Variants in ASTN2 observed in about 807,000 individuals in gnomAD.
ASTN2 encodes astrotactin-2.
In ASTN2, 54 loss-of-function variants were observed where a neutral mutation model predicts 139.8. That is an observed-to-expected ratio of 0.39 (90% confidence interval 0.31 to 0.48). The LOEUF (loss-of-function observed/expected upper bound fraction) is 0.48. Ranked by LOEUF, ASTN2 falls within the 20% of genes least tolerant of loss-of-function variation. ASTN2 has a pLI of 0.95. For synonymous variants in ASTN2, 756 were observed against 719.5 expected (o/e 1.05, Z -0.81); for missense variants, 1,565 against 1,725.1 (o/e 0.91, Z 1.64).
rs138090254 is a variant in ASTN2 at position 117,138,665 on chromosome 9, G to A, written c.1168+2661C>T. Among the ~76,000 whole-genome samples, 409 of 152,314 alleles carry A rather than the reference G, an allele frequency of 2.7e-3. 2 individuals are homozygous for A. The highest frequency in any genetic ancestry group is 9.4e-3 in the African/African-American group (392 of 41,576). On this transcript the variant is annotated intron_variant, in intron 4 of 22. Coordinates refer to ENST00000313400, the MANE Select transcript of ASTN2 (RefSeq NM_001365068.1). ...AATGCAAGGAGAGTATAGTTGTAAGGAGCAGTTAATAAATGACAGTGGTCA... is the reference window on the plus strand; with the variant it reads ...AATGCAAGGAGAGTATAGTTGTAAGAAGCAGTTAATAAATGACAGTGGTCA...
At chr9:116,848,417 T>G (rs1304632282) in intron 11 of ASTN2, among the ~76,000 whole-genome samples, 1 of 152,198 alleles carries the variant, frequency 6.6e-6, no homozygotes, top group Middle Eastern at 3.2e-3. Context: ...CCTAAGAGCA[T>G]TGAATGTGCA....
chr9:116,618,537 C>T (rs955505903), intron 18 of ASTN2, 65 bp from the exon 19 acceptor site: 12 of 1,518,158 alleles, frequency 7.9e-6, no homozygotes, highest in African/African-American at 1.4e-5. Flanking sequence ...CAAAAGAATC[C>T]GCATGTGTCA....
At chr9:116,932,827 G>A (rs1313096833) in intron 10 of ASTN2, among the ~76,000 whole-genome samples, 2 of 151,776 alleles carry the variant, frequency 1.3e-5, no homozygotes, top group Non-Finnish European at 2.9e-5. Flanking sequence ...CCAACATGGC[G>A]AAACCCCGTC....
intron 3 of ASTN2, among the ~76,000 whole-genome samples, chr9:117,206,338 C>A (rs890022335): frequency 1.3e-5 from 2 of 152,130 alleles, no homozygotes; most frequent in African/African-American, 4.8e-5. Context: ...TCTATCCGAC[C>A]CCATTGCTAC....
intron 1 of ASTN2, among the ~76,000 whole-genome samples, chr9:117,402,495 A>T (rs1399735330): frequency 6.6e-6 from 1 of 152,174 alleles, no homozygotes; most frequent in Non-Finnish European, 1.5e-5. Context: ...AGATGGGAAG[A>T]TGTGGGTAGA....
intron 12 of ASTN2, among the ~76,000 whole-genome samples, chr9:116,808,072 C>T (rs1361422425): frequency 6.6e-6 from 1 of 152,132 alleles, no homozygotes; most frequent in Non-Finnish European, 1.5e-5. Context: ...CGAGATCATG[C>T]CACTGCACTC....
intron 4 of ASTN2, among the ~76,000 whole-genome samples, chr9:117,122,624 A>G (rs984522758): frequency 2.0e-5 from 3 of 152,112 alleles, no homozygotes; most frequent in Non-Finnish European, 2.9e-5. Context: ...TGGATGCATG[A>G]TTCGATTTAC....
At chr9:116,575,187 C>T (rs893428554) in intron 19 of ASTN2, among the ~76,000 whole-genome samples, 1 of 151,992 alleles carries the variant, frequency 6.6e-6, no homozygotes, top group Non-Finnish European at 1.5e-5. Context: ...ACTGCAGTAT[C>T]ACTTTTATTG....
At chr9:117,272,434 C>T (rs1038134536) in intron 2 of ASTN2, among the ~76,000 whole-genome samples, 1 of 152,214 alleles carries the variant, frequency 6.6e-6, no homozygotes, top group South Asian at 2.1e-4. Context: ...ATGTTTTCCC[C>T]ATGGTCTTGG....
intron 10 of ASTN2, among the ~76,000 whole-genome samples, chr9:116,877,109 T>C (rs1317582196): frequency 6.6e-6 from 1 of 152,202 alleles, no homozygotes; most frequent in Non-Finnish European, 1.5e-5. Flanking sequence ...TTTGGAAAAG[T>C]TTAAGTCTTA....
At chr9:116,865,589 A>G (rs1324584074) in intron 10 of ASTN2, among the ~76,000 whole-genome samples, 1 of 152,060 alleles carries the variant, frequency 6.6e-6, no homozygotes, top group African/African-American at 2.4e-5. Flanking sequence ...AAAGCAAGGA[A>G]TCCAGGCCTT....
chr9:116,753,871 T>C (rs1380538508), intron 13 of ASTN2, among the ~76,000 whole-genome samples: 3 of 151,936 alleles, frequency 2.0e-5, no homozygotes, highest in African/African-American at 7.3e-5. Context: ...ACATGTGCCA[T>C]AGGGGTTTGC....
At chr9:116,461,322 C>G (rs148325111) in intron 20 of ASTN2, among the ~76,000 whole-genome samples, 9 of 152,052 alleles carry the variant, frequency 5.9e-5, no homozygotes, top group African/African-American at 1.9e-4. Flanking sequence ...AATATATCCC[C>G]AGTGCCAAAA....
chr9:116,661,449 G>C (rs925524566), intron 16 of ASTN2, among the ~76,000 whole-genome samples: 5 of 152,168 alleles, frequency 3.3e-5, no homozygotes, highest in South Asian at 2.1e-4. Flanking sequence ...GGCCTATTCA[G>C]TGCCAGGTTT....
intron 10 of ASTN2, among the ~76,000 whole-genome samples, chr9:116,944,105 T>C (rs962119421): frequency 5.2e-4 from 79 of 151,818 alleles, no homozygotes; most frequent in African/African-American, 1.9e-3. Context: ...AACTACCTTA[T>C]GGGGAAGTAC....
intron 2 of ASTN2, among the ~76,000 whole-genome samples, chr9:117,274,948 C>T (rs566468699): frequency 6.6e-6 from 1 of 152,342 alleles, no homozygotes; most frequent in African/African-American, 2.4e-5. Flanking sequence ...CTAATGAAGA[C>T]AGCATGGGCT....
At chr9:116,517,667 T>C (rs901655098) in intron 19 of ASTN2, among the ~76,000 whole-genome samples, 8 of 152,146 alleles carry the variant, frequency 5.3e-5, no homozygotes, top group African/African-American at 1.9e-4. Context: ...ATTTCTGAAT[T>C]GCCAGAAAAA....
chr9:116,581,695 C>T (rs1293462215), intron 19 of ASTN2, among the ~76,000 whole-genome samples: 1 of 152,176 alleles, frequency 6.6e-6, no homozygotes, highest in East Asian at 1.9e-4. Flanking sequence ...TGAGCATATC[C>T]TTGCTCTGAC....
At chr9:116,434,229 C>T (rs570604971) in intron 22 of ASTN2, among the ~76,000 whole-genome samples, 29 of 152,218 alleles carry the variant, frequency 1.9e-4, no homozygotes, top group Non-Finnish European at 2.6e-4. Flanking sequence ...GTGCACAATC[C>T]GTCCTGATTT....
Sources: gnomAD v4.1 joint callset for allele counts (sites outside exome capture counted in the v4.1 genomes callset) on GRCh38, gnomAD v4.1.1 for gene constraint, MANE v1.5 for transcripts, NCBI Gene and HGNC (gene_info 2026-07-23, HGNC 2026-07-21) for gene names.